The following ZNF701 variants were observed in gnomAD, a reference collection of about 807,000 sequenced individuals.
ZNF701 encodes the protein zinc finger protein 701.
In ZNF701, 6 loss-of-function variants were observed where a neutral mutation model predicts 7.1. The observed-to-expected ratio is 0.84, with a 90% CI of 0.46 to 1.66. The LOEUF is 1.66. ZNF701 is among the 40% of genes most tolerant of loss of function. ZNF701 has a pLI of 0.01. For synonymous variants in ZNF701, 166 were observed against 188.2 expected (o/e 0.88, Z 0.97); for missense variants, 541 against 559.2 (o/e 0.97, Z 0.33).
chr19:52,587,464 T>G (rs1252420198), downstream of ZNF701, among the ~76,000 whole-genome samples: 1 of 152,180 alleles, frequency 6.6e-6, no homozygotes, highest in Admixed American at 6.5e-5. Context: ...GCCCCTCAAC[T>G]GCAAGTGACA....
rs887770979 is a variant in ZNF701 at position 52,585,004 on chromosome 19, C to T, written c.*1547C>T. ...TTCCCAGTTCTCTGGTACTGCTATA[C>T]CGGGGACGTGGGTGTCTCCACAGAC... On this transcript the variant is annotated 3_prime_UTR_variant, in exon 4 of 4. Coordinates refer to ENST00000391785, the MANE Select transcript of ZNF701 (RefSeq NM_018260.3). 3 of 152,316 alleles carry T rather than the reference C, an allele frequency of 2.0e-5. No homozygotes were observed. Among genetic ancestry groups the T allele is most frequent in the Non-Finnish European group, 4.4e-5 (3 of 68,138 alleles). The allele number at this position is 152,316 out of a possible 1,614,324, so 9.4% of individuals were successfully genotyped here.
chr19:52,579,877 A>C (rs1377948201), intron 3 of ZNF701, among the ~76,000 whole-genome samples: 1 of 42,012 alleles, frequency 2.4e-5, no homozygotes, highest in Non-Finnish European at 7.9e-5. Context: ...CCATCTCAAA[A>C]TAAATAAATA....
chr19:52,594,582 C>G, the ZNF701 span, among the ~76,000 whole-genome samples: 16 of 151,666 alleles, frequency 1.1e-4, 1 homozygote, highest in Admixed American at 5.9e-4. Context: ...GGTGCGATCT[C>G]GGCTCACTGC....
the ZNF701 span, chr19:52,595,557 A>G: frequency 5.5e-6 from 4 of 720,722 alleles, no homozygotes; most frequent in African/African-American, 3.6e-5. Context: ...GGTGTGAGCC[A>G]CTGCACCTGG....
the ZNF701 span, among the ~76,000 whole-genome samples, chr19:52,599,877 T>G: frequency 6.6e-6 from 1 of 152,196 alleles, no homozygotes; most frequent in East Asian, 1.9e-4. Context: ...AGTTGTGGGT[T>G]AGGGTTTCTC....
downstream of ZNF701, chr19:52,591,917 T>C (rs2060038467): frequency 2.8e-6 from 1 of 358,758 alleles, no homozygotes; most frequent in South Asian, 4.2e-5. Flanking sequence ...GATTTTAAAA[T>C]CTATCAAGGA....
chr19:52,594,933 C>G, the ZNF701 span, among the ~76,000 whole-genome samples: 66,483 of 151,944 alleles, frequency 0.44, 14,574 homozygotes, highest in Middle Eastern at 0.47. Context: ...ATTCCTCCTA[C>G]GGAGGACATC....
the ZNF701 span, chr19:52,596,835 A>T: frequency 1.8e-6 from 1 of 544,932 alleles, no homozygotes; most frequent in Non-Finnish European, 3.8e-6. Context: ...CTTGCATGTC[A>T]TCATAGACTT....
At chr19:52,579,223 G>A (rs541324829) in intron 3 of ZNF701, among the ~76,000 whole-genome samples, 1 of 142,428 alleles carries the variant, frequency 7.0e-6, no homozygotes, top group Non-Finnish European at 1.5e-5. Flanking sequence ...ATTGTTGCAG[G>A]TATGTTAAAG....
intron 1 of ZNF701, among the ~76,000 whole-genome samples, chr19:52,571,836 T>A (rs1197711141): frequency 6.6e-6 from 1 of 152,078 alleles, no homozygotes; most frequent in Non-Finnish European, 1.5e-5. Context: ...TTTGGTTTTT[T>A]TTTTGAGACG....
At chr19:52,592,185 C>T in the ZNF701 span, 2 of 1,566,770 alleles carry the variant, frequency 1.3e-6, no homozygotes, top group Admixed American at 1.7e-5. Context: ...GGGCTTTATA[C>T]AGGGAAGTGA....
In ZNF701 at chr19:52,586,035, TG is replaced by T. The variant is rs200273870; in HGVS notation, c.*2579del. On this transcript the variant is annotated 3_prime_UTR_variant, in exon 4 of 4. Coordinates refer to ENST00000391785, the MANE Select transcript of ZNF701 (RefSeq NM_018260.3). ...GACCCAGGACCCATGTGGTTTTTTTTGTTTTTGTTTTTGTTTTTTTGATGGA... is the reference window on the plus strand; with the variant it reads ...GACCCAGGACCCATGTGGTTTTTTTTTTTTTGTTTTTGTTTTTTTGATGGA... The T allele has an allele frequency of 5.4e-3, 818 of 151,870 alleles. 10 individuals are homozygous for T. The highest frequency in any genetic ancestry group is 0.034 in the East Asian group (175 of 5,150). The allele number at this position is 151,870 out of a possible 1,614,324, so 9.4% of individuals were successfully genotyped here.
At chr19:52,597,736 G>A in the ZNF701 span, 1 of 228,144 alleles carries the variant, frequency 4.4e-6, no homozygotes, top group African/African-American at 2.3e-5. Context: ...GCTGCCTGGA[G>A]GCCGGGCCAG....
chr19:52,591,204 G>A (rs2060035566), downstream of ZNF701, among the ~76,000 whole-genome samples: 1 of 151,930 alleles, frequency 6.6e-6, no homozygotes, highest in African/African-American at 2.4e-5. Context: ...TATTTTGAGA[G>A]TCTCACTCTG....
chr19:52,593,320 T>C, the ZNF701 span, among the ~76,000 whole-genome samples: 2,178 of 116,852 alleles, frequency 0.019, 638 homozygotes, highest in African/African-American at 0.066. Flanking sequence ...GGGTGGTGGC[T>C]GGGCAGAGGG....
At chr19:52,574,053 A>G in intron 1 of ZNF701, 24 bp from the exon 2 acceptor site, 1 of 1,605,532 alleles carries the variant, frequency 6.2e-7, no homozygotes, top group Non-Finnish European at 8.5e-7. Flanking sequence ...TCTGAGCAGT[A>G]AACAACATAT....
chr19:52,590,275 A>G (rs115617670), downstream of ZNF701, among the ~76,000 whole-genome samples: 726 of 145,964 alleles, frequency 5.0e-3, 9 homozygotes, highest in African/African-American at 0.018. Context: ...TAATCTTTGT[A>G]TTTTCAGTAG....
At chr19:52,596,875 C>G in the ZNF701 span, 1 of 552,440 alleles carries the variant, frequency 1.8e-6, no homozygotes, top group Admixed American at 1.9e-5. Context: ...AATCAACAAT[C>G]AAACCTTGCA....
At chr19:52,573,574 A>G (rs997268294) in intron 1 of ZNF701, among the ~76,000 whole-genome samples, 2 of 152,030 alleles carry the variant, frequency 1.3e-5, no homozygotes, top group Admixed American at 6.5e-5. Flanking sequence ...GGTTTTCACC[A>G]TGGTGGCCAG....
Sources: allele counts gnomAD v4.1 joint callset (sites outside exome capture counted in the v4.1 genomes callset), GRCh38; gene constraint gnomAD v4.1.1; transcripts MANE v1.5; gene names NCBI Gene and HGNC (gene_info 2026-07-23, HGNC 2026-07-21).